STAG1: variants seen among roughly 807,000 people sequenced by gnomAD.
STAG1 encodes STAG1 cohesin complex component.
STAG1 carries 26 observed loss-of-function variants against 170.9 expected under a neutral mutation model. The ratio of observed to expected loss-of-function variants is 0.15; its 90% CI spans 0.11 to 0.21. The LOEUF (loss-of-function observed/expected upper bound fraction) is 0.21. Among genes scored for constraint, STAG1 ranks in the 10% least tolerant of loss-of-function variants. The probability of loss-of-function intolerance (pLI) is 1.00; values close to 1 mark genes in which losing one functional copy is unlikely to be tolerated. For missense variants in STAG1, 964 were observed against 1,509.5 expected, an observed-to-expected ratio of 0.64 and a Z score of 5.99; for synonymous variants, 514 against 497.7, an observed-to-expected ratio of 1.03 and a Z score of -0.44.
intron 1 of STAG1, among the ~76,000 whole-genome samples, chr3:136,718,326 T>TTTG (rs1383944999): frequency 2.0e-5 from 3 of 152,176 alleles, no homozygotes; most frequent in Non-Finnish European, 4.4e-5. Flanking sequence ...AATAAACTAT[T>TTTG]TTGTCTTCAT....
intron 23 of STAG1, among the ~76,000 whole-genome samples, chr3:136,371,741 C>T (rs1392062127): frequency 6.6e-6 from 1 of 152,094 alleles, no homozygotes; most frequent in Non-Finnish European, 1.5e-5. Flanking sequence ...CAGTACCATG[C>T]TGTTTTGGTT....
At chr3:136,566,783 C>A (rs182186635) in intron 5 of STAG1, among the ~76,000 whole-genome samples, 75 of 152,198 alleles carry the variant, frequency 4.9e-4, no homozygotes, top group Non-Finnish European at 3.2e-4. Flanking sequence ...ATAAGGTATA[C>A]ATAAAATTAC....
At chr3:136,709,472 C>T (rs1044667143) in intron 1 of STAG1, among the ~76,000 whole-genome samples, 8 of 152,030 alleles carry the variant, frequency 5.3e-5, no homozygotes, top group African/African-American at 1.9e-4. Flanking sequence ...GCCCAGCTCA[C>T]TCCTATAATC....
intron 5 of STAG1, among the ~76,000 whole-genome samples, chr3:136,542,409 T>C (rs554063444): frequency 8.4e-4 from 128 of 152,308 alleles, no homozygotes; most frequent in Middle Eastern, 6.8e-3. Context: ...TTGCCGTTTT[T>C]AACTATAAAT....
intron 1 of STAG1, among the ~76,000 whole-genome samples, chr3:136,698,004 C>T (rs1341612185): frequency 6.6e-6 from 1 of 151,106 alleles, no homozygotes; most frequent in Non-Finnish European, 1.5e-5. Context: ...ATAGACAGAG[C>T]AAGATTACGT....
intron 4 of STAG1, among the ~76,000 whole-genome samples, chr3:136,594,508 C>G (rs1938330782): frequency 6.6e-6 from 1 of 152,160 alleles, no homozygotes; most frequent in South Asian, 2.1e-4. Context: ...AATTGTCTCA[C>G]TAAGTATACT....
In STAG1 at chr3:136,377,767, C is replaced by G; in HGVS notation, c.2278-15G>C. On this transcript the variant is annotated splice_polypyrimidine_tract_variant and intron_variant, in intron 22 of 33. Transcript: ENST00000383202. ...AACAAATCCTCCTGTAAGACACATT[C>G]AAATTTGCAAGCGTGAATTACAGGA... is the stretch of plus-strand genomic sequence containing the variant. The G allele has an allele frequency of 1.2e-6, 2 of 1,608,496 alleles. No homozygotes were observed. The highest frequency in any genetic ancestry group is 1.7e-6 in the Non-Finnish European group (2 of 1,175,310).
chr3:136,502,190 A>G (rs1229317900), intron 8 of STAG1, among the ~76,000 whole-genome samples: 1 of 151,804 alleles, frequency 6.6e-6, no homozygotes, highest in Non-Finnish European at 1.5e-5. Context: ...CAAAAAAAAA[A>G]CAGTATAAAA....
chr3:136,596,162 T>C (rs1328710017), intron 4 of STAG1, among the ~76,000 whole-genome samples: 4 of 152,236 alleles, frequency 2.6e-5, no homozygotes, highest in Non-Finnish European at 4.4e-5. Context: ...CCTCCAATTT[T>C]GAAATAGTTC....
chr3:136,630,388 G>C (rs1051383270), intron 2 of STAG1, among the ~76,000 whole-genome samples: 3 of 151,842 alleles, frequency 2.0e-5, no homozygotes, highest in African/African-American at 7.3e-5. Context: ...GCAGGGAGGG[G>C]GGGTAGAGAA....
At position 136,359,269 on chromosome 3, in the gene STAG1, C is replaced by T. The variant is rs780446548; in HGVS notation, c.2815G>A (p.Gly939Ser). Reference sequence around the variant, plus strand: ...GCAGATGTCCTATCTAGGTTGGGACCTTGCTCTTGAACAAGTTCATTAAAT... The same window carrying T: ...GCAGATGTCCTATCTAGGTTGGGACTTTGCTCTTGAACAAGTTCATTAAAT... ...QLFNELVQEQ[G>S]PNLDRTSAHV... Residue 939 changes from glycine (G) to serine (S), a missense_variant, in exon 27 of 34, where the codon GGT (glycine) becomes AGT (serine). Gly to Ser is a moderately conservative substitution (Grantham distance 56, BLOSUM62 0). Transcript: ENST00000383202. The T allele has an allele frequency of 3.1e-6, 5 of 1,600,982 alleles. No individual in the cohort carries two copies. The highest frequency in any genetic ancestry group is 4.3e-6 in the Non-Finnish European group (5 of 1,174,014).
intron 7 of STAG1, among the ~76,000 whole-genome samples, chr3:136,505,893 A>G (rs143805939): frequency 8.2e-4 from 125 of 152,318 alleles, no homozygotes; most frequent in African/African-American, 2.8e-3. Context: ...GGACAGTTAT[A>G]AGGTAAACTG....
intron 1 of STAG1, among the ~76,000 whole-genome samples, chr3:136,714,940 T>A (rs1347408295): frequency 6.1e-4 from 15 of 24,554 alleles, no homozygotes; most frequent in East Asian, 5.3e-3. Flanking sequence ...ATATATTAAA[T>A]ATATATATAT....
intron 29 of STAG1, among the ~76,000 whole-genome samples, chr3:136,347,014 C>A (rs1322223965): frequency 6.7e-6 from 1 of 149,732 alleles, no homozygotes; most frequent in East Asian, 2.0e-4. Flanking sequence ...GGGAGGATTG[C>A]TTGAGCCAGG....
chr3:136,555,697 A>G (rs576912516), intron 5 of STAG1, among the ~76,000 whole-genome samples: 2 of 151,952 alleles, frequency 1.3e-5, no homozygotes, highest in South Asian at 4.2e-4. Flanking sequence ...CAATCAATCA[A>G]TCAATCAGTC....
intron 23 of STAG1, 96 bp from the exon 24 acceptor site, chr3:136,369,378 A>T: frequency 2.2e-6 from 2 of 890,594 alleles, no homozygotes; most frequent in South Asian, 2.4e-5. Context: ...ATAGTTTAAT[A>T]GCAGTACCAT....
intron 27 of STAG1, 57 bp from the exon 28 acceptor site, chr3:136,357,905 G>A (rs757471517): frequency 2.9e-6 from 4 of 1,401,256 alleles, no homozygotes; most frequent in South Asian, 1.3e-5. Context: ...CTCTCAATTA[G>A]CTAACATTAC....
chr3:136,572,707 A>C (rs1416919801), intron 4 of STAG1, among the ~76,000 whole-genome samples: 1 of 152,114 alleles, frequency 6.6e-6, no homozygotes, highest in East Asian at 1.9e-4. Flanking sequence ...CAGAAGAAAT[A>C]GATCCAGATA....
At position 136,647,452 on chromosome 3, in the gene STAG1, C is replaced by T. The variant is rs149501376; in HGVS notation, c.-83-16471G>A. Among the ~76,000 whole-genome samples, 1,172 of 152,148 alleles carry T rather than the reference C, an allele frequency of 7.7e-3. 19 individuals are homozygous for T. Among genetic ancestry groups the T allele is most frequent in the African/African-American group, 0.027 (1,140 of 41,496 alleles). On this transcript the variant is annotated intron_variant, in intron 1 of 33. Coordinates refer to ENST00000383202, the MANE Select transcript of STAG1 (RefSeq NM_005862.3). The stretch of plus-strand genomic sequence containing the variant: ...GGCCTGGTAGCGCTAGCCTGTAATC[C>T]CAGCTACTCGGGAGGCTGAGGCAGG...
Sources: allele counts gnomAD v4.1 joint callset (sites outside exome capture counted in the v4.1 genomes callset), GRCh38; gene constraint gnomAD v4.1.1; transcripts MANE v1.5; gene names NCBI Gene and HGNC (gene_info 2026-07-23, HGNC 2026-07-21).